Variants in MAP3K20 observed in about 807,000 individuals in gnomAD.
MAP3K20 encodes mitogen-activated protein kinase kinase kinase 20, also known as HCCS-4.
A neutral mutation model predicts 85.7 loss-of-function variants in MAP3K20; 40 were observed. That is an observed-to-expected ratio of 0.47 (90% CI 0.36 to 0.61). The LOEUF is 0.61. Ranked by LOEUF, MAP3K20 falls within the 20% of genes least tolerant of loss-of-function variation. The pLI, the probability that MAP3K20 is intolerant of heterozygous loss-of-function variation, is 0.00. For missense variants in MAP3K20, 817 were observed against 961.7 expected (o/e 0.85, Z 1.99); for synonymous variants, 325 against 327.7 (o/e 0.99, Z 0.09).
chr2:173,158,680 G>A (rs1026141958), intron 2 of MAP3K20, among the ~76,000 whole-genome samples: 2 of 152,212 alleles, frequency 1.3e-5, no homozygotes, highest in African/African-American at 4.8e-5. Context: ...AATGATCATT[G>A]ATTATAAAGG....
intron 2 of MAP3K20, among the ~76,000 whole-genome samples, chr2:173,136,824 A>G (rs1446720559): frequency 6.6e-6 from 1 of 152,198 alleles, no homozygotes; most frequent in Non-Finnish European, 1.5e-5. Flanking sequence ...GTTTGCATAA[A>G]AGCTCACATA....
intron 3 of MAP3K20, among the ~76,000 whole-genome samples, chr2:173,182,005 G>A (rs1024601558): frequency 7.9e-5 from 12 of 152,028 alleles, no homozygotes; most frequent in Non-Finnish European, 1.3e-4. Flanking sequence ...ACAGTGAGCC[G>A]AGATCAAGGC....
chr2:173,117,825 A>G (rs772832086), intron 2 of MAP3K20, among the ~76,000 whole-genome samples: 5 of 152,184 alleles, frequency 3.3e-5, no homozygotes, highest in Non-Finnish European at 5.9e-5. Context: ...TAAGTTATAT[A>G]TAGGCCTTCC....
intron 2 of MAP3K20, among the ~76,000 whole-genome samples, chr2:173,150,861 C>CA (rs891564636): frequency 2.0e-5 from 3 of 151,668 alleles, no homozygotes; most frequent in East Asian, 1.9e-4. Context: ...CACACCCGGC[C>CA]AAAAAAAATT....
chr2:173,221,326 A>G, intron 11 of MAP3K20: 1 of 1,613,904 alleles, frequency 6.2e-7, no homozygotes, highest in Non-Finnish European at 8.5e-7. Context: ...ATATCTTCTC[A>G]ATGAACAAAG....
At position 173,129,435 on chromosome 2, in the gene MAP3K20, G is replaced by A. The variant is rs149052402; in HGVS notation, c.159+38245G>A. Among the ~76,000 whole-genome samples, 45 of 152,170 alleles carry A rather than the reference G, an allele frequency of 3.0e-4. No individual in the cohort carries two copies. In the East Asian group the frequency reaches 7.5e-3, roughly 25 times the overall value. ...TTATGCACCACTAAGAAAAAATGCT[G>A]CCAATGGAAACTGTAAGATGCCACC... On this transcript the variant is annotated intron_variant, in intron 2 of 19. Coordinates refer to ENST00000375213, the MANE Select transcript of MAP3K20 (RefSeq NM_016653.3).
At chr2:173,222,177 G>C (rs1461229822) in intron 11 of MAP3K20, 9 of 976,856 alleles carry the variant, frequency 9.2e-6, no homozygotes, top group Non-Finnish European at 9.7e-6. Context: ...CTGCACTCTA[G>C]CCTGGGCAAG....
intron 2 of MAP3K20, among the ~76,000 whole-genome samples, chr2:173,112,708 G>T (rs1688010286): frequency 6.6e-6 from 1 of 152,110 alleles, no homozygotes; most frequent in Non-Finnish European, 1.5e-5. Context: ...TTTATGTGGT[G>T]TATCACATTT....
intron 2 of MAP3K20, among the ~76,000 whole-genome samples, chr2:173,127,443 A>G (rs1037413015): frequency 2.0e-5 from 3 of 152,242 alleles, no homozygotes; most frequent in African/African-American, 7.2e-5. Context: ...CTTTAGAATT[A>G]GCAGTATCTT....
intron 11 of MAP3K20, among the ~76,000 whole-genome samples, chr2:173,220,968 T>G (rs552833554): frequency 6.6e-6 from 1 of 152,238 alleles, no homozygotes; most frequent in Non-Finnish European, 1.5e-5. Context: ...TCATAAATTA[T>G]GGCAAATATG....
chr2:173,179,631 G>A (rs1426991170), intron 3 of MAP3K20, among the ~76,000 whole-genome samples: 3 of 150,026 alleles, frequency 2.0e-5, no homozygotes, highest in Non-Finnish European at 4.4e-5. Flanking sequence ...GAAGTAATAG[G>A]CATCCAGATT....
intron 3 of MAP3K20, among the ~76,000 whole-genome samples, chr2:173,172,899 G>A (rs1203568899): frequency 6.6e-6 from 1 of 151,788 alleles, no homozygotes; most frequent in East Asian, 1.9e-4. Context: ...CTGAGTTCAA[G>A]CAATTCTCTT....
At chr2:173,197,605 T>C in intron 7 of MAP3K20, 1 of 152,980 alleles carries the variant, frequency 6.5e-6, no homozygotes. Flanking sequence ...ATGAGACCAT[T>C]ATTGAACCTT....
chr2:173,221,600 G>T, intron 11 of MAP3K20: 1 of 1,395,920 alleles, frequency 7.2e-7, no homozygotes, highest in Non-Finnish European at 9.4e-7. Flanking sequence ...ATCTCAGTCT[G>T]TACAAAAACA....
At chr2:173,113,923 G>A (rs1688046452) in intron 2 of MAP3K20, among the ~76,000 whole-genome samples, 1 of 151,962 alleles carries the variant, frequency 6.6e-6, no homozygotes, top group Non-Finnish European at 1.5e-5. Context: ...GAGGTATAGT[G>A]TAAATCCATT....
chr2:173,129,853 T>C (rs1190440989), intron 2 of MAP3K20, among the ~76,000 whole-genome samples: 3 of 152,172 alleles, frequency 2.0e-5, no homozygotes, highest in Non-Finnish European at 1.5e-5. Flanking sequence ...GGGCCAAACA[T>C]ACTATTACAA....
intron 2 of MAP3K20, among the ~76,000 whole-genome samples, chr2:173,155,397 G>C (rs1689435710): frequency 6.6e-6 from 1 of 152,142 alleles, no homozygotes; most frequent in East Asian, 1.9e-4. Context: ...TAGATAGTAG[G>C]CTCCATGAGG....
chr2:173,193,677 C>G (rs1690732955), intron 7 of MAP3K20, among the ~76,000 whole-genome samples: 1 of 152,148 alleles, frequency 6.6e-6, no homozygotes, highest in Non-Finnish European at 1.5e-5. Context: ...CACATTGACC[C>G]CATTTCTTAA....
chr2:173,231,850 T>G (rs569917372), intron 12 of MAP3K20, among the ~76,000 whole-genome samples: 2 of 152,194 alleles, frequency 1.3e-5, no homozygotes, highest in Non-Finnish European at 2.9e-5. Flanking sequence ...CTCATACAAT[T>G]CCTGAGTAAA....
Sources: gnomAD v4.1 joint callset for allele counts (sites outside exome capture counted in the v4.1 genomes callset) on GRCh38, gnomAD v4.1.1 for gene constraint, MANE v1.5 for transcripts, NCBI Gene and HGNC (gene_info 2026-07-23, HGNC 2026-07-21) for gene names.